The following NOX3 variants were observed in gnomAD, a reference collection of about 807,000 sequenced individuals.
NOX3 encodes NADPH oxidase 3.
A neutral mutation model predicts 76.7 loss-of-function variants in NOX3; 74 were observed. The observed-to-expected ratio is 0.96, with a 90% CI of 0.80 to 1.17. The LOEUF (loss-of-function observed/expected upper bound fraction) is 1.17. NOX3 is among the 50% of genes most tolerant of loss of function. The pLI, the probability that NOX3 is intolerant of heterozygous loss-of-function variation, is 0.00. For missense variants in NOX3, 695 were observed against 703.3 expected, an observed-to-expected ratio of 0.99 and a Z score of 0.13; for synonymous variants, 263 against 261.1, an observed-to-expected ratio of 1.01 and a Z score of -0.07.
intron 10 of NOX3, among the ~76,000 whole-genome samples, chr6:155,415,692 C>A (rs987795887): frequency 2.0e-5 from 3 of 152,204 alleles, no homozygotes; most frequent in Non-Finnish European, 4.4e-5. Flanking sequence ...AGTTATTTAA[C>A]TCCAACCTAG....
chr6:155,420,284 G>A (rs1237543974), intron 10 of NOX3, among the ~76,000 whole-genome samples: 1 of 152,092 alleles, frequency 6.6e-6, no homozygotes, highest in Non-Finnish European at 1.5e-5. Flanking sequence ...AATGAGACAC[G>A]CTATCCACCA....
intron 11 of NOX3, among the ~76,000 whole-genome samples, chr6:155,408,956 G>C (rs575248794): frequency 1.4e-4 from 21 of 151,758 alleles, no homozygotes; most frequent in Non-Finnish European, 1.5e-5. Flanking sequence ...TCCAAAAGGG[G>C]GGGAGGGTGA....
At position 155,442,805 on chromosome 6, in the gene NOX3, C is replaced by G. The variant is rs974151702; in HGVS notation, c.486+468G>C. On this transcript the variant is annotated intron_variant, in intron 5 of 13. Transcript: ENST00000159060. ...TTGCCCAGTATCTGATTTGGCAAAG[C>G]AGCTATTCACATATGTGCCAATGTA... 5.3e-5 allele frequency among the ~76,000 whole-genome samples: 8 copies of G among 152,286 alleles called. 1 individual carries two copies. The highest frequency in any genetic ancestry group is 3.9e-4 in the East Asian group (2 of 5,184).
intron 4 of NOX3, among the ~76,000 whole-genome samples, chr6:155,447,879 G>C (rs1168608172): frequency 1.3e-5 from 2 of 152,200 alleles, no homozygotes; most frequent in East Asian, 3.8e-4. Flanking sequence ...CACCAGGGGA[G>C]ATACTATTTT....
intron 12 of NOX3, among the ~76,000 whole-genome samples, chr6:155,404,359 T>C (rs1034410521): frequency 4.6e-5 from 7 of 151,876 alleles, no homozygotes; most frequent in Non-Finnish European, 8.8e-5. Flanking sequence ...AGGAACCGGA[T>C]TCTGTGGCTG....
rs1171485102 is a variant in NOX3, at chr6:155,407,226, T to A, written c.1484A>T (p.Glu495Val). 6.2e-7 allele frequency: 1 copy of A among 1,614,110 alleles called. No individual in the cohort carries two copies. The highest frequency in any genetic ancestry group is 8.5e-7 in the Non-Finnish European group (1 of 1,179,980). The change falls in exon 12 of 14, where the codon GAA becomes GTA. Residue 495 changes from glutamate to valine, a missense_variant. Glu to Val is a moderately radical substitution (Grantham distance 121). Coordinates refer to ENST00000159060, the MANE Select transcript of NOX3 (RefSeq NM_015718.3). ...QALHIALHWD[E>V]NTDVITGLKQ... Reference sequence around the variant, plus strand: ...TAAGCCTGTAATCACGTCAGTATTTTCGTCCCAGTGTAAAGCTATGTGAAG... The same window carrying A: ...TAAGCCTGTAATCACGTCAGTATTTACGTCCCAGTGTAAAGCTATGTGAAG...
intron 10 of NOX3, 116 bp downstream of exon 10, chr6:155,422,578 C>T (rs1425288929): frequency 1.1e-6 from 1 of 932,032 alleles, no homozygotes. Context: ...AGTTAAGGAT[C>T]CTTGAGTTTA....
At chr6:155,415,850 T>G (rs959587632) in intron 10 of NOX3, among the ~76,000 whole-genome samples, 4 of 152,246 alleles carry the variant, frequency 2.6e-5, no homozygotes, top group Non-Finnish European at 5.9e-5. Context: ...CTATTGTTAC[T>G]ATCCTTGTTT....
intron 10 of NOX3, among the ~76,000 whole-genome samples, chr6:155,413,358 G>A (rs970153478): frequency 6.6e-6 from 1 of 152,004 alleles, no homozygotes; most frequent in African/African-American, 2.4e-5. Context: ...GGGGAGGGCT[G>A]GGGGAGCCAT....
rs751994477 is a variant in NOX3, at chr6:155,455,118, C to A, written c.60G>T (p.Leu20=). 5 of 1,609,650 alleles carry A rather than the reference C, an allele frequency of 3.1e-6. No homozygotes were observed. The highest frequency in any genetic ancestry group is 4.2e-6 in the Non-Finnish European group (5 of 1,176,628). The stretch of plus-strand genomic sequence containing the variant: ...CAATAAACAGATAAAAATTTATTCC[C>A]AGCCATGAGAGCTAGAGTAGAAAGG... ...GLSTILVLSW[L]GINFYLFIDT... is the part of the protein sequence containing the mutation. Residue 20 remains leucine (L), a synonymous_variant, in exon 2 of 14, where the codon CTG becomes CTT. Coordinates refer to ENST00000159060, the MANE Select transcript of NOX3 (RefSeq NM_015718.3).
rs1373225988 is a variant in NOX3, at chr6:155,422,805, G to C, written c.1197C>G (p.Tyr399Ter). Residue 399 changes from tyrosine (Y) to a stop codon, truncating the protein, a stop_gained, in exon 10 of 14, where the codon TAC becomes TAG. Transcript: ENST00000159060. LOFTEE classifies it high-confidence loss of function. The part of the protein sequence containing the change: ...FGTALTDVFH[Y>*]PVCVCVAAGI... ...CCGCGGCAACGCACACACACACTGGGTAGTGAAATACATCTGTCAGGGCAG... is the reference window on the plus strand; with the variant it reads ...CCGCGGCAACGCACACACACACTGGCTAGTGAAATACATCTGTCAGGGCAG... 6.2e-7 allele frequency: 1 copy of C among 1,614,070 alleles called. No homozygotes were observed. The highest frequency in any genetic ancestry group is 8.5e-7 in the Non-Finnish European group (1 of 1,180,016).
intron 10 of NOX3, among the ~76,000 whole-genome samples, chr6:155,418,576 C>T (rs1776649610): frequency 6.6e-6 from 1 of 152,036 alleles, no homozygotes; most frequent in African/African-American, 2.4e-5. Context: ...TTCCCCCTCC[C>T]CTTCCACTCC....
At chr6:155,447,794 T>TA (rs1196833614) in intron 4 of NOX3, among the ~76,000 whole-genome samples, 1 of 152,250 alleles carries the variant, frequency 6.6e-6, no homozygotes, top group African/African-American at 2.4e-5. Flanking sequence ...GATCTGATCC[T>TA]AATTTTACAG....
At chr6:155,453,977 C>T (rs1360938531) in intron 3 of NOX3, among the ~76,000 whole-genome samples, 2 of 152,064 alleles carry the variant, frequency 1.3e-5, no homozygotes, top group African/African-American at 4.8e-5. Flanking sequence ...GCAAGTCACA[C>T]AAAAGTTTTG....
chr6:155,425,533 T>C (rs897962706), intron 9 of NOX3, among the ~76,000 whole-genome samples: 8 of 152,124 alleles, frequency 5.3e-5, no homozygotes, highest in Non-Finnish European at 8.8e-5. Context: ...AACAAACACT[T>C]CCATTGCTAT....
Position 155,443,432 on chromosome 6 carries a change from A to C in NOX3, c.341-14T>G. On this transcript the variant is annotated splice_polypyrimidine_tract_variant and intron_variant, in intron 4 of 13. Coordinates refer to ENST00000159060, the MANE Select transcript of NOX3 (RefSeq NM_015718.3). ...CGATGTGGATGGCTAGGACAAGGAG[A>C]TGACACCAAACATGCACCCTGTGGC... 2 of 1,613,040 alleles carry C rather than the reference A, an allele frequency of 1.2e-6. No individual in the cohort carries two copies. The highest frequency in any genetic ancestry group is 1.7e-6 in the Non-Finnish European group (2 of 1,179,358).
In NOX3 at chr6:155,455,269, A is replaced by G. The variant is rs547387542; in HGVS notation, c.49-140T>C. 6.1e-4 allele frequency: 371 copies of G among 608,558 alleles called. No homozygotes were observed. In the African/African-American group the frequency reaches 6.3e-3, roughly 10 times the overall value. 37.7% of individuals were successfully genotyped at this position (608,558 alleles called of 1,614,324 possible). A position where few individuals can be genotyped will look rare whatever the true frequency, so the allele number is the denominator to read the frequency against. ...GAATTACTCCACATATTTATTTCTC[A>G]TAGATTAGTTTTTAATAGGATTATG... On this transcript the variant is annotated intron_variant, in intron 1 of 13. Transcript: ENST00000159060.
At position 155,430,866 on chromosome 6, in the gene NOX3, G is replaced by A. The variant is rs1221025923; in HGVS notation, c.868C>T (p.Gln290Ter). 1 of 1,612,624 alleles carries A rather than the reference G, an allele frequency of 6.2e-7. No homozygotes were observed. The highest frequency in any genetic ancestry group is 1.1e-5 in the South Asian group (1 of 91,006). ...ACCTTGGTAATGACAACTTCTTGTT[G>A]AAATCGCCAGAACCTAATTATTCTT... Reference protein sequence around the residue: ...CERIIRFWRFQQEVVITKVVS... With the variant: ...CERIIRFWRF The change falls in exon 8 of 14, where the codon CAA becomes TAA. Residue 290 changes from glutamine (Q) to a stop codon, truncating the protein, a stop_gained. Coordinates refer to ENST00000159060, the MANE Select transcript of NOX3 (RefSeq NM_015718.3). LOFTEE classifies it high-confidence loss of function.
intron 12 of NOX3, among the ~76,000 whole-genome samples, chr6:155,405,889 C>A (rs533946628): frequency 2.0e-5 from 3 of 152,336 alleles, no homozygotes; most frequent in South Asian, 4.1e-4. Context: ...ACTGCTCAAA[C>A]CTGTAAGTGC....
Sources: allele counts gnomAD v4.1 joint callset (sites outside exome capture counted in the v4.1 genomes callset), GRCh38; gene constraint gnomAD v4.1.1; transcripts MANE v1.5; gene names NCBI Gene and HGNC (gene_info 2026-07-23, HGNC 2026-07-21).